The following SNX29 variants were observed in gnomAD, a reference collection of about 807,000 sequenced individuals.
SNX29 encodes the protein sorting nexin-29.
SNX29 carries 78 observed loss-of-function variants against 102.1 expected under a neutral mutation model. The ratio of observed to expected loss-of-function variants is 0.76; its 90% CI spans 0.64 to 0.92. The LOEUF (loss-of-function observed/expected upper bound fraction) is 0.92. SNX29 is among the 40% of genes least tolerant of loss of function. SNX29 has a pLI of 0.00. For missense variants in SNX29, 1,280 were observed against 1,061.7 expected (o/e 1.21, Z -2.86); for synonymous variants, 580 against 414.5 (o/e 1.40, Z -4.85).
At chr16:12,544,898 G>A (rs1597874198) in intron 20 of SNX29, among the ~76,000 whole-genome samples, 1 of 152,206 alleles carries the variant, frequency 6.6e-6, no homozygotes. Context: ...CAGTGGGCCA[G>A]TAATCAATAG....
At chr16:12,519,535 C>A (rs764390109) in intron 19 of SNX29, among the ~76,000 whole-genome samples, 1 of 152,180 alleles carries the variant, frequency 6.6e-6, no homozygotes, top group African/African-American at 2.4e-5. Context: ...TTCAGAAATA[C>A]ACACTGAAGT....
intron 17 of SNX29, among the ~76,000 whole-genome samples, chr16:12,401,284 C>T (rs2083930169): frequency 6.6e-6 from 1 of 152,032 alleles, no homozygotes; most frequent in Non-Finnish European, 1.5e-5. Flanking sequence ...GTATGTTAGG[C>T]CACAAAACCA....
rs186959567 is a variant in SNX29, at chr16:12,534,728, C to T, written c.2318+9887C>T. ...TTGCCACTCCCCTGTCACTCACTGC[C>T]CCTTGCCCTACTAAACCCAAGTGGC... is the stretch of plus-strand genomic sequence containing the variant. On this transcript the variant is annotated intron_variant, in intron 20 of 20. Transcript: ENST00000566228. Among the ~76,000 whole-genome samples, 643 of 152,320 alleles carry T rather than the reference C, an allele frequency of 4.2e-3. 6 individuals carry two copies. Among genetic ancestry groups the T allele is most frequent in the African/African-American group, 0.015 (622 of 41,576 alleles).
intron 14 of SNX29, among the ~76,000 whole-genome samples, chr16:12,204,605 G>A (rs2076999900): frequency 1.3e-5 from 2 of 152,240 alleles, no homozygotes; most frequent in Non-Finnish European, 2.9e-5. Context: ...ATAGACCATT[G>A]CTGGTGGCCA....
chr16:12,501,139 T>C (rs1001682202), intron 19 of SNX29, among the ~76,000 whole-genome samples: 1 of 152,188 alleles, frequency 6.6e-6, no homozygotes, highest in Non-Finnish European at 1.5e-5. Context: ...TGTTCAACTA[T>C]AACCCCAGCA....
intron 20 of SNX29, among the ~76,000 whole-genome samples, chr16:12,543,830 G>C (rs557599163): frequency 5.9e-5 from 9 of 152,200 alleles, no homozygotes; most frequent in African/African-American, 1.9e-4. Flanking sequence ...GGACACCTTC[G>C]TATTTGGAAG....
At chr16:11,994,859 C>T (rs1353347329) in intron 1 of SNX29, among the ~76,000 whole-genome samples, 2 of 152,124 alleles carry the variant, frequency 1.3e-5, no homozygotes, top group African/African-American at 4.8e-5. Context: ...TCTCCATAGA[C>T]TGTAGAGCTG....
intron 20 of SNX29, chr16:12,561,058 G>A (rs575738874): frequency 1.8e-5 from 4 of 224,288 alleles, no homozygotes; most frequent in Admixed American, 5.7e-5. Flanking sequence ...GAGGTAGGAG[G>A]TAAAGGCCTT....
chr16:12,055,523 G>T (rs1009356128), intron 8 of SNX29, among the ~76,000 whole-genome samples: 4 of 151,756 alleles, frequency 2.6e-5, no homozygotes, highest in African/African-American at 9.7e-5. Flanking sequence ...GAGCCACCAC[G>T]CCTGGTCTTA....
chr16:12,431,802 C>T (rs901566194), intron 18 of SNX29, among the ~76,000 whole-genome samples: 1 of 152,240 alleles, frequency 6.6e-6, no homozygotes, highest in Non-Finnish European at 1.5e-5. Context: ...TCGGGTAATG[C>T]TCACGACATA....
chr16:12,515,382 A>G (rs1009390175), intron 19 of SNX29: 5 of 401,030 alleles, frequency 1.2e-5, no homozygotes, highest in Admixed American at 5.7e-5. Flanking sequence ...TCAACAAACG[A>G]ATATATGTGA....
Position 12,130,534 on chromosome 16 carries a change from TTTAAC to T in SNX29, c.1595+780_1595+784del, listed in dbSNP as rs1385687614. Among the ~76,000 whole-genome samples the T allele has an allele frequency of 2.0e-5, 3 of 150,628 alleles. No homozygotes were observed. The East Asian group carries it at 5.9e-4, about 29-fold the overall frequency. ...AAAGCAAAAAAAGTGTGTATTTTAATTTAACTTATTTCATTGAGTAAATAGTATAT... is the reference window on the plus strand; with the variant it reads ...AAAGCAAAAAAAGTGTGTATTTTAATTTATTTCATTGAGTAAATAGTATAT... On this transcript the variant is annotated intron_variant, in intron 13 of 20. Transcript: ENST00000566228.
intron 4 of SNX29, among the ~76,000 whole-genome samples, chr16:12,039,417 C>T (rs554469885): frequency 5.9e-5 from 9 of 152,272 alleles, no homozygotes; most frequent in Non-Finnish European, 1.0e-4. Flanking sequence ...AGACTGGAAG[C>T]CCCTTAGGGA....
At chr16:12,552,748 C>T (rs917350045) in intron 20 of SNX29, among the ~76,000 whole-genome samples, 1 of 152,248 alleles carries the variant, frequency 6.6e-6, no homozygotes, top group Admixed American at 6.5e-5. Context: ...AGTGAAATCA[C>T]TTCTGATTTA....
chr16:12,556,394 T>TAG (rs1191858690), intron 20 of SNX29: 5 of 152,212 alleles, frequency 3.3e-5, no homozygotes, highest in African/African-American at 1.2e-4. Flanking sequence ...ACTGGCAATA[T>TAG]AGTACAGAAG....
chr16:12,188,961 A>T (rs1167650814), intron 13 of SNX29, among the ~76,000 whole-genome samples: 1 of 152,168 alleles, frequency 6.6e-6, no homozygotes, highest in African/African-American at 2.4e-5. Context: ...TATGAGCAAT[A>T]ATCGTTATGA....
rs954253216 is a variant in SNX29, at chr16:12,571,677, T to G, written c.*3048T>G. 3 of 1,059,072 alleles carry G rather than the reference T, an allele frequency of 2.8e-6. No individual in the cohort carries two copies. The African/African-American group carries it at 4.9e-5, about 17-fold the overall frequency. 65.6% of individuals were successfully genotyped at this position (1,059,072 alleles called of 1,614,324 possible). On this transcript the variant is annotated 3_prime_UTR_variant, in exon 21 of 21. Transcript: ENST00000566228. ...CAGGAACGGTAGGGCTGGGCAGAGG[T>G]GTCTCTCCTTGAGAGACAACAAAAG...
intron 14 of SNX29, among the ~76,000 whole-genome samples, chr16:12,208,112 G>A (rs989357297): frequency 2.6e-5 from 4 of 152,172 alleles, no homozygotes; most frequent in African/African-American, 7.2e-5. Flanking sequence ...ACTTAAGAGC[G>A]GGGAGATGAT....
At chr16:12,165,237 G>C (rs752332566) in intron 13 of SNX29, among the ~76,000 whole-genome samples, 8 of 152,234 alleles carry the variant, frequency 5.3e-5, no homozygotes, top group African/African-American at 1.2e-4. Flanking sequence ...TGTTTCCTGC[G>C]TAATTGTCCT....
Sources: gnomAD v4.1 joint callset for allele counts (sites outside exome capture counted in the v4.1 genomes callset) on GRCh38, gnomAD v4.1.1 for gene constraint, MANE v1.5 for transcripts, NCBI Gene and HGNC (gene_info 2026-07-23, HGNC 2026-07-21) for gene names.